The following GNA14 variants were observed in gnomAD, a reference collection of about 807,000 sequenced individuals.
GNA14 encodes the protein G protein subunit alpha 14.
In GNA14, 50 loss-of-function variants were observed where a neutral mutation model predicts 42.0. The observed-to-expected ratio is 1.19, with a 90% CI of 0.95 to 1.51. The LOEUF (loss-of-function observed/expected upper bound fraction) is 1.51. GNA14 is among the 40% of genes most tolerant of loss of function. The pLI is 0.00. For synonymous variants in GNA14, 173 were observed against 163.1 expected, an observed-to-expected ratio of 1.06 and a Z score of -0.46; for missense variants, 473 against 446.2, an observed-to-expected ratio of 1.06 and a Z score of -0.54.
intron 1 of GNA14, among the ~76,000 whole-genome samples, chr9:77,560,572 T>A (rs942919070): frequency 5.3e-5 from 8 of 152,176 alleles, no homozygotes; most frequent in African/African-American, 1.9e-4. Flanking sequence ...TGCCTTGGCC[T>A]CCCAAAATGC....
At chr9:77,593,345 T>G (rs1401298627) in intron 1 of GNA14, among the ~76,000 whole-genome samples, 4 of 151,858 alleles carry the variant, frequency 2.6e-5, no homozygotes, top group African/African-American at 9.7e-5. Flanking sequence ...TTTTTTTTTT[T>G]GAAACGGAGT....
intron 5 of GNA14, among the ~76,000 whole-genome samples, chr9:77,427,474 A>G (rs1191550804): frequency 6.6e-6 from 1 of 152,234 alleles, no homozygotes; most frequent in Non-Finnish European, 1.5e-5. Context: ...CTCAAGAAAT[A>G]CAAGATACAA....
chr9:77,544,358 T>C (rs2131777869), intron 1 of GNA14, among the ~76,000 whole-genome samples: 1 of 152,270 alleles, frequency 6.6e-6, no homozygotes, highest in Non-Finnish European at 1.5e-5. Context: ...CTGTGGCTTG[T>C]AGATAAAATA....
chr9:77,502,642 A>G (rs755779978), intron 2 of GNA14, among the ~76,000 whole-genome samples: 4 of 152,104 alleles, frequency 2.6e-5, no homozygotes, highest in Non-Finnish European at 5.9e-5. Flanking sequence ...CCTCTCCACT[A>G]GGCCTCCTGT....
intron 1 of GNA14, among the ~76,000 whole-genome samples, chr9:77,539,229 T>C (rs185211221): frequency 2.4e-3 from 371 of 152,352 alleles, no homozygotes; most frequent in Non-Finnish European, 3.7e-3. Context: ...ATGTTGAATT[T>C]TGTCAAATGC....
intron 2 of GNA14, among the ~76,000 whole-genome samples, chr9:77,453,441 C>G (rs560171027): frequency 6.6e-6 from 1 of 152,142 alleles, no homozygotes; most frequent in East Asian, 1.9e-4. Flanking sequence ...AATGGTGGTT[C>G]GCACATCAAT....
At chr9:77,623,962 G>A (rs1377853283) in intron 1 of GNA14, among the ~76,000 whole-genome samples, 1 of 152,186 alleles carries the variant, frequency 6.6e-6, no homozygotes, top group Admixed American at 6.5e-5. Context: ...AGGGAGCCAA[G>A]TGGTCTAACT....
chr9:77,609,004 C>A (rs535200804), intron 1 of GNA14, among the ~76,000 whole-genome samples: 35 of 152,268 alleles, frequency 2.3e-4, no homozygotes, highest in African/African-American at 8.4e-4. Flanking sequence ...TCAGAATAAT[C>A]TTTCTCATTC....
intron 1 of GNA14, among the ~76,000 whole-genome samples, chr9:77,541,864 C>T (rs1837664972): frequency 6.6e-6 from 1 of 152,046 alleles, no homozygotes; most frequent in African/African-American, 2.4e-5. Context: ...ATTTAATAAA[C>T]TCTCTAATTC....
intron 1 of GNA14, among the ~76,000 whole-genome samples, chr9:77,616,832 TTAGA>T (rs1416316458): frequency 6.6e-6 from 1 of 152,192 alleles, no homozygotes; most frequent in Non-Finnish European, 1.5e-5. Context: ...TCCAAATGTG[TTAGA>T]TAAAGATGTT....
At chr9:77,643,185 G>A (rs896223154) in intron 1 of GNA14, among the ~76,000 whole-genome samples, 1 of 152,068 alleles carries the variant, frequency 6.6e-6, no homozygotes, top group Non-Finnish European at 1.5e-5. Context: ...ATAAAGGAAC[G>A]TGGGCATATT....
intron 1 of GNA14, among the ~76,000 whole-genome samples, chr9:77,544,677 A>C (rs1233900804): frequency 6.6e-6 from 1 of 151,598 alleles, no homozygotes; most frequent in Non-Finnish European, 1.5e-5. Context: ...ATCTCAAAAA[A>C]AAAAAAAAAA....
intron 2 of GNA14, chr9:77,456,543 G>T (rs1042685611): frequency 6.6e-6 from 1 of 152,180 alleles, no homozygotes; most frequent in Non-Finnish European, 1.5e-5. Context: ...ATTTTCCTTG[G>T]TAAGTTATAA....
Position 77,647,951 on chromosome 9 carries a change from G to A in GNA14, c.-158C>T, listed in dbSNP as rs537798179. The A allele has an allele frequency of 2.9e-5, 23 of 796,632 alleles. No individual in the cohort carries two copies. In the South Asian group the frequency reaches 3.9e-4, roughly 13 times the overall value. The allele number at this position is 796,632 out of a possible 1,614,324, so 49.3% of individuals were successfully genotyped here. A position where few individuals can be genotyped will look rare whatever the true frequency, so the allele number is the denominator to read the frequency against. On this transcript the variant is annotated 5_prime_UTR_variant, in exon 1 of 7. Transcript: ENST00000341700. ...TGGAGTAAGACGCCTGGACCTCCGAGGCTCAATCCCCCTTCGAAAGTCGGC... is the reference window on the plus strand; with the variant it reads ...TGGAGTAAGACGCCTGGACCTCCGAAGCTCAATCCCCCTTCGAAAGTCGGC...
At chr9:77,446,125 G>C (rs536179046) in intron 2 of GNA14, among the ~76,000 whole-genome samples, 2 of 152,266 alleles carry the variant, frequency 1.3e-5, no homozygotes, top group Admixed American at 6.5e-5. Context: ...CAGGGCTCAC[G>C]GGAGCTCTCA....
intron 2 of GNA14, among the ~76,000 whole-genome samples, chr9:77,466,205 C>A (rs936892645): frequency 1.3e-5 from 2 of 152,056 alleles, no homozygotes; most frequent in East Asian, 3.9e-4. Context: ...ATATTTTTTT[C>A]TATTCCTTTC....
At chr9:77,458,304 A>G (rs1836042849) in intron 2 of GNA14, among the ~76,000 whole-genome samples, 1 of 152,014 alleles carries the variant, frequency 6.6e-6, no homozygotes, top group African/African-American at 2.4e-5. Context: ...AGGGGGGAAA[A>G]GAAAGTCTCC....
At chr9:77,594,084 A>G (rs576346819) in intron 1 of GNA14, among the ~76,000 whole-genome samples, 60 of 152,334 alleles carry the variant, frequency 3.9e-4, no homozygotes, top group African/African-American at 1.3e-3. Flanking sequence ...GGGAGGTGAT[A>G]TGGCTGGGCA....
chr9:77,524,203 G>T (rs1230501133), intron 2 of GNA14, among the ~76,000 whole-genome samples: 1 of 152,002 alleles, frequency 6.6e-6, no homozygotes, highest in African/African-American at 2.4e-5. Flanking sequence ...AGCAGGCAAG[G>T]TATAAGAAAA....
Sources: allele counts gnomAD v4.1 joint callset (sites outside exome capture counted in the v4.1 genomes callset), GRCh38; gene constraint gnomAD v4.1.1; transcripts MANE v1.5; gene names NCBI Gene and HGNC (gene_info 2026-07-23, HGNC 2026-07-21).